The following RASSF3 variants were observed in gnomAD, a reference collection of about 807,000 sequenced individuals.
RASSF3 encodes the protein ras association domain-containing protein 3.
A neutral mutation model predicts 19.9 loss-of-function variants in RASSF3; 19 were observed. That is an observed-to-expected ratio of 0.96 (90% CI 0.67 to 1.40). The LOEUF (loss-of-function observed/expected upper bound fraction) is 1.40. RASSF3 is among the 40% of genes most tolerant of loss of function. The pLI is 0.00. For synonymous variants in RASSF3, 110 were observed against 104.2 expected, an observed-to-expected ratio of 1.06 and a Z score of -0.34; for missense variants, 306 against 289.8, an observed-to-expected ratio of 1.06 and a Z score of -0.41.
At chr12:64,556,039 G>C (rs1165799216) in intron 2 of RASSF3, among the ~76,000 whole-genome samples, 3 of 152,196 alleles carry the variant, frequency 2.0e-5, no homozygotes, top group East Asian at 1.9e-4. Context: ...ATGGATAAAG[G>C]GGAGGGAGCC....
intron 1 of RASSF3, among the ~76,000 whole-genome samples, chr12:64,524,535 C>G (rs530960512): frequency 6.6e-6 from 1 of 152,212 alleles, no homozygotes; most frequent in Admixed American, 6.5e-5. Flanking sequence ...AGCTGTTGTT[C>G]TACCTCCACA....
intron 1 of RASSF3, among the ~76,000 whole-genome samples, chr12:64,649,045 G>A (rs1871843413): frequency 1.3e-5 from 2 of 151,768 alleles, no homozygotes; most frequent in Non-Finnish European, 2.9e-5. Flanking sequence ...ATGGCCTCAA[G>A]CGATCCTCCT....
At chr12:64,683,071 C>A (rs1407616599) in intron 1 of RASSF3, among the ~76,000 whole-genome samples, 1 of 152,174 alleles carries the variant, frequency 6.6e-6, no homozygotes, top group Non-Finnish European at 1.5e-5. Context: ...CTGTCCTTAT[C>A]TGTAACGTAG....
chr12:64,509,461 A>C (rs1267037186), intron 1 of RASSF3, among the ~76,000 whole-genome samples: 2 of 152,168 alleles, frequency 1.3e-5, no homozygotes, highest in African/African-American at 4.8e-5. Flanking sequence ...AAAAATAAAA[A>C]TAAGATGAGC....
chr12:64,661,110 A>G (rs1305299116), intron 1 of RASSF3, among the ~76,000 whole-genome samples: 1 of 152,162 alleles, frequency 6.6e-6, no homozygotes, highest in Admixed American at 6.6e-5. Flanking sequence ...TCCTGGCCTC[A>G]CTCAAATGGT....
chr12:64,667,059 C>T (rs544207453), intron 1 of RASSF3, among the ~76,000 whole-genome samples: 3 of 151,472 alleles, frequency 2.0e-5, no homozygotes, highest in East Asian at 1.9e-4. Context: ...GAGCCAGATA[C>T]GGAGGCTCAG....
intron 1 of RASSF3, among the ~76,000 whole-genome samples, chr12:64,619,787 C>T (rs1870682039): frequency 6.6e-6 from 1 of 151,964 alleles, no homozygotes; most frequent in Non-Finnish European, 1.5e-5. Flanking sequence ...CAAGACTAAC[C>T]TGGCCAATAT....
At chr12:64,596,450 G>A (rs1167278633) in intron 2 of RASSF3, among the ~76,000 whole-genome samples, 2 of 152,146 alleles carry the variant, frequency 1.3e-5, no homozygotes, top group African/African-American at 2.4e-5. Flanking sequence ...TCACAGTTCT[G>A]CAGGCTGTAC....
chr12:64,546,804 G>C (rs936750202), intron 2 of RASSF3, among the ~76,000 whole-genome samples: 1 of 152,150 alleles, frequency 6.6e-6, no homozygotes, highest in South Asian at 2.1e-4. Flanking sequence ...ATAATCCCCA[G>C]TGTTGTTGGC....
intron 1 of RASSF3, among the ~76,000 whole-genome samples, chr12:64,540,510 T>C (rs1005518647): frequency 6.6e-6 from 1 of 152,170 alleles, no homozygotes; most frequent in African/African-American, 2.4e-5. Flanking sequence ...TTGGCTATTA[T>C]TTATAACAGC....
chr12:64,638,197 T>A (rs944343926), intron 1 of RASSF3, among the ~76,000 whole-genome samples: 1 of 152,206 alleles, frequency 6.6e-6, no homozygotes. Flanking sequence ...TGAACTATTA[T>A]GTTGTAAATA....
intron 2 of RASSF3, among the ~76,000 whole-genome samples, chr12:64,567,869 A>C (rs1869455605): frequency 6.6e-6 from 1 of 152,232 alleles, no homozygotes; most frequent in African/African-American, 2.4e-5. Context: ...AATGGGAGAC[A>C]CAGCCTTTCC....
Position 64,695,111 on chromosome 12 carries a change from T to C in RASSF3, c.*199T>C. 7.2e-6 allele frequency: 4 copies of C among 554,660 alleles called. No individual in the cohort carries two copies. The highest frequency in any genetic ancestry group is 6.1e-5 in the Admixed American group (2 of 32,534). 34.4% of individuals were successfully genotyped at this position (554,660 alleles called of 1,614,324 possible). A position where few individuals can be genotyped will look rare whatever the true frequency, so the allele number is the denominator to read the frequency against. On this transcript the variant is annotated 3_prime_UTR_variant, in exon 5 of 5. Transcript: ENST00000542104. ...CATGTAAGGGACTCTGCAAGCTTGTTGTTCAGCACCGCAGTGTTACCTCTT... is the reference window on the plus strand; with the variant it reads ...CATGTAAGGGACTCTGCAAGCTTGTCGTTCAGCACCGCAGTGTTACCTCTT...
chr12:64,569,923 C>G (rs1261022655), intron 2 of RASSF3, among the ~76,000 whole-genome samples: 2 of 152,222 alleles, frequency 1.3e-5, no homozygotes, highest in Admixed American at 1.3e-4. Context: ...CGAGGCCGTG[C>G]CACTGCACTC....
At chr12:64,685,022 A>G in intron 2 of RASSF3, 128 bp downstream of exon 2, 1 of 578,728 alleles carries the variant, frequency 1.7e-6, no homozygotes, top group Middle Eastern at 3.2e-4. Context: ...GGTATACAGA[A>G]CAGGAAAGTG....
chr12:64,522,635 G>A (rs978363720), intron 1 of RASSF3, among the ~76,000 whole-genome samples: 4 of 152,148 alleles, frequency 2.6e-5, no homozygotes, highest in African/African-American at 9.7e-5. Flanking sequence ...AGAGGATTGA[G>A]AGTTGATTCA....
chr12:64,517,018 AAAAG>A (rs1249182830), intron 1 of RASSF3, among the ~76,000 whole-genome samples: 2 of 150,836 alleles, frequency 1.3e-5, no homozygotes, highest in African/African-American at 4.9e-5. Context: ...AAAAAAAAAA[AAAAG>A]AAAGAGAAAG....
At chr12:64,634,467 C>T (rs962255115) in intron 1 of RASSF3, among the ~76,000 whole-genome samples, 1 of 152,062 alleles carries the variant, frequency 6.6e-6, no homozygotes, top group Non-Finnish European at 1.5e-5. Flanking sequence ...CCCGGCACTT[C>T]TTGAAGGGTT....
intron 1 of RASSF3, among the ~76,000 whole-genome samples, chr12:64,514,310 C>T (rs527630325): frequency 6.6e-6 from 1 of 151,104 alleles, no homozygotes; most frequent in East Asian, 2.0e-4. Flanking sequence ...CCTTAGCCTC[C>T]CGAGTAGCTG....
Sources: allele counts gnomAD v4.1 joint callset (sites outside exome capture counted in the v4.1 genomes callset), GRCh38; gene constraint gnomAD v4.1.1; transcripts MANE v1.5; gene names NCBI Gene and HGNC (gene_info 2026-07-23, HGNC 2026-07-21).